The following ARRB1 variants were observed in gnomAD, a reference collection of about 807,000 sequenced individuals.
ARRB1 encodes the protein arrestin beta 1.
Under a neutral mutation model 56.8 loss-of-function variants are expected in ARRB1, and 21 were observed. The ratio of observed to expected loss-of-function variants is 0.37; its 90% CI spans 0.26 to 0.53. The LOEUF is 0.53. Among genes scored for constraint, ARRB1 ranks in the 20% least tolerant of loss-of-function variants. The pLI is 0.88. For missense variants in ARRB1, 424 were observed against 553.7 expected (o/e 0.77, Z 2.35); for synonymous variants, 210 against 218.6 (o/e 0.96, Z 0.35).
In ARRB1 at chr11:75,287,193, A is replaced by T. The variant is rs544171122; in HGVS notation, c.112+122T>A. 1.4e-3 allele frequency: 1,338 copies of T among 969,692 alleles called. 2 individuals are homozygous for T. Among genetic ancestry groups the T allele is most frequent in the Non-Finnish European group, 1.7e-3 (1,155 of 667,824 alleles). 60.1% of individuals were successfully genotyped at this position (969,692 alleles called of 1,614,324 possible). On this transcript the variant is annotated intron_variant, in intron 3 of 15. Transcript: ENST00000420843. Reference sequence around the variant, plus strand: ...TGCTCAGTAAATGCTTGCTGCCTGAAGCAGGAAGCCATTCACCCCCGTTCT... The same window carrying T: ...TGCTCAGTAAATGCTTGCTGCCTGATGCAGGAAGCCATTCACCCCCGTTCT...
At chr11:75,304,860 T>C (rs912896875) in intron 1 of ARRB1, among the ~76,000 whole-genome samples, 1 of 150,966 alleles carries the variant, frequency 6.6e-6, no homozygotes, top group Non-Finnish European at 1.5e-5. Flanking sequence ...ACCCAGGAGT[T>C]TGAGACCAGG....
chr11:75,321,981 G>A (rs143048259), intron 1 of ARRB1, among the ~76,000 whole-genome samples: 3 of 152,290 alleles, frequency 2.0e-5, no homozygotes, highest in Non-Finnish European at 2.9e-5. Context: ...AACACAGAGC[G>A]TTCCTACAAG....
At chr11:75,295,959 C>T (rs1303501798) in intron 1 of ARRB1, among the ~76,000 whole-genome samples, 6 of 151,998 alleles carry the variant, frequency 3.9e-5, no homozygotes, top group Admixed American at 6.6e-5. Context: ...CTGAGGCGGG[C>T]GGATCACTTG....
At chr11:75,280,694 C>G (rs1946314227) in intron 7 of ARRB1, among the ~76,000 whole-genome samples, 1 of 152,218 alleles carries the variant, frequency 6.6e-6, no homozygotes. Flanking sequence ...TGAACGCCTC[C>G]CAGGAGGAAA....
At chr11:75,281,813 T>C in intron 6 of ARRB1, 149 bp downstream of exon 6, 1 of 759,256 alleles carries the variant, frequency 1.3e-6, no homozygotes, top group Non-Finnish European at 2.2e-6. Context: ...AGACTGGTTG[T>C]CCAAGGTGGG....
intron 1 of ARRB1, among the ~76,000 whole-genome samples, chr11:75,291,638 G>A (rs1946614300): frequency 1.3e-5 from 2 of 152,146 alleles, no homozygotes; most frequent in South Asian, 4.1e-4. Context: ...GGTAGCTCCA[G>A]GATCTCTCAA....
intron 1 of ARRB1, among the ~76,000 whole-genome samples, chr11:75,292,097 C>G (rs1946623366): frequency 6.6e-6 from 1 of 152,190 alleles, no homozygotes; most frequent in African/African-American, 2.4e-5. Context: ...CCCCACCTCC[C>G]CTGGGAGCCC....
chr11:75,290,467 C>T (rs566158754), intron 1 of ARRB1, among the ~76,000 whole-genome samples: 57 of 152,308 alleles, frequency 3.7e-4, no homozygotes, highest in Middle Eastern at 3.4e-3. Context: ...ATTCCCACCT[C>T]GGGGACAGTT....
rs1337136470 is a variant in ARRB1 at position 75,346,213 on chromosome 11, G to A, written c.20+5375C>T. 5.9e-5 allele frequency among the ~76,000 whole-genome samples: 9 copies of A among 152,134 alleles called. No individual in the cohort carries two copies. The East Asian group carries it at 1.2e-3, about 20-fold the overall frequency. On this transcript the variant is annotated intron_variant, in intron 1 of 15. Transcript: ENST00000420843. ...TTCTCATACTCCAGCACCCAGCTCC[G>A]GGGTCACCTCTTCAAAGAAGCCTTC...
chr11:75,275,158 T>TTTTATTTTA (rs1565107797), intron 10 of ARRB1, among the ~76,000 whole-genome samples: 1 of 147,824 alleles, frequency 6.8e-6, no homozygotes, highest in African/African-American at 2.4e-5. Flanking sequence ...TTTTATTTTA[T>TTTTATTTTA]TTTTTTGAGA....
intron 1 of ARRB1, among the ~76,000 whole-genome samples, chr11:75,304,990 A>ATTTTC (rs899235282): frequency 2.9e-4 from 41 of 139,896 alleles, no homozygotes; most frequent in African/African-American, 9.4e-4. Flanking sequence ...AAGGGAATGC[A>ATTTTC]TTTTCTTTTC....
Position 75,265,644 on chromosome 11 carries a change from G to T in ARRB1, c.*519C>A, listed in dbSNP as rs972454962. The T allele has an allele frequency of 6.3e-6, 1 of 158,378 alleles. No homozygotes were observed. The highest frequency in any genetic ancestry group is 1.4e-5 in the Non-Finnish European group (1 of 71,366). 9.8% of individuals were successfully genotyped at this position (158,378 alleles called of 1,614,324 possible). ...AAGGCAGAAGGTCTTTGGTGGGTCA[G>T]AACTTCAAAAAGGCATTGAGAATCT... On this transcript the variant is annotated 3_prime_UTR_variant, in exon 16 of 16. Transcript: ENST00000420843.
intron 1 of ARRB1, among the ~76,000 whole-genome samples, chr11:75,322,910 T>A (rs1334475656): frequency 6.6e-6 from 1 of 152,162 alleles, no homozygotes; most frequent in Admixed American, 6.5e-5. Context: ...TACAACAGTG[T>A]CTACTTCCTG....
chr11:75,281,500 T>TATCCGGTATTCCTCTAACA, intron 6 of ARRB1: 1 of 346,176 alleles, frequency 2.9e-6, no homozygotes, highest in Non-Finnish European at 5.3e-6. Context: ...CTGGGTGGCT[T>TATCCGGTATTCCTCTAACA]ATCCGGTATT....
intron 1 of ARRB1, among the ~76,000 whole-genome samples, chr11:75,297,520 C>T (rs1263549275): frequency 6.6e-6 from 1 of 151,814 alleles, no homozygotes; most frequent in African/African-American, 2.4e-5. Context: ...ACTGGATAGT[C>T]GCACAAAAAA....
chr11:75,294,607 A>AAATAAATT lies in ARRB1; in HGVS notation c.21-4569_21-4568insAATTTATT, dbSNP rs1402289363. Among the ~76,000 whole-genome samples the AAATAAATT allele has an allele frequency of 1.4e-4, 5 of 35,332 alleles. 1 individual carries two copies. Among genetic ancestry groups the AAATAAATT allele is most frequent in the East Asian group, 1.2e-3 (1 of 814 alleles). 23.2% of individuals were successfully genotyped at this position (35,332 alleles called of 152,430 possible). A position where few individuals can be genotyped will look rare whatever the true frequency, so the allele number is the denominator to read the frequency against. On this transcript the variant is annotated intron_variant, in intron 1 of 15. Transcript: ENST00000420843. ...TAAATAAATAAATAAATAAATAAAT[A>AAATAAATT]ACTTAAAATATTTTTTTAATGAAAT...
intron 4 of ARRB1, 73 bp downstream of exon 4, chr11:75,284,162 A>T (rs1053365103): frequency 2.8e-6 from 4 of 1,449,238 alleles, no homozygotes; most frequent in Non-Finnish European, 2.8e-6. Context: ...ATGGGCAGGG[A>T]GTTCCTATGC....
chr11:75,334,053 C>T (rs991641369), intron 1 of ARRB1, among the ~76,000 whole-genome samples: 1 of 152,154 alleles, frequency 6.6e-6, no homozygotes, highest in Non-Finnish European at 1.5e-5. Context: ...CATCCCAGGC[C>T]GGGCGCGGTG....
At chr11:75,345,692 C>T (rs540296660) in intron 1 of ARRB1, among the ~76,000 whole-genome samples, 1 of 152,204 alleles carries the variant, frequency 6.6e-6, no homozygotes, top group Admixed American at 6.5e-5. Context: ...AGTGGTATAA[C>T]CCTGTCCCTC....
Sources: gnomAD v4.1 joint callset for allele counts (sites outside exome capture counted in the v4.1 genomes callset) on GRCh38, gnomAD v4.1.1 for gene constraint, MANE v1.5 for transcripts, NCBI Gene and HGNC (gene_info 2026-07-23, HGNC 2026-07-21) for gene names.